Variants in TSHR observed in about 807,000 individuals in gnomAD.
TSHR encodes the protein thyroid stimulating hormone receptor, also known as thyrotropin receptor.
TSHR carries 51 observed loss-of-function variants against 64.1 expected under a neutral mutation model. The observed-to-expected ratio is 0.80, with a 90% CI of 0.64 to 1.01. TSHR has a LOEUF of 1.01. Among genes scored for constraint, TSHR ranks in the 50% least tolerant of loss-of-function variants. The pLI is 0.00. For missense variants in TSHR, 877 were observed against 942.8 expected (o/e 0.93, Z 0.91); for synonymous variants, 361 against 361.9 (o/e 1.00, Z 0.03).
chr14:80,993,653 T>A (rs1888858993), intron 1 of TSHR: 1 of 152,062 alleles, frequency 6.6e-6, no homozygotes, highest in African/African-American at 2.4e-5. Flanking sequence ...AAAATAAATG[T>A]TAATGTGTTT....
chr14:81,072,497 C>CTAA (rs1446420171), intron 3 of TSHR, among the ~76,000 whole-genome samples: 11 of 151,670 alleles, frequency 7.3e-5, no homozygotes, highest in African/African-American at 2.7e-4. Flanking sequence ...AACTAACAGG[C>CTAA]TAATAGTAGT....
At chr14:80,985,569 G>C (rs529782810) in intron 1 of TSHR, among the ~76,000 whole-genome samples, 2 of 152,204 alleles carry the variant, frequency 1.3e-5, no homozygotes, top group Non-Finnish European at 2.9e-5. Flanking sequence ...TGCCCAGGAC[G>C]TTTAGGTTAT....
chr14:81,019,085 T>C (rs1883581242), intron 1 of TSHR, among the ~76,000 whole-genome samples: 1 of 152,178 alleles, frequency 6.6e-6, no homozygotes, highest in Non-Finnish European at 1.5e-5. Context: ...CCAAATTGCC[T>C]GAACCCCAGA....
chr14:81,037,444 CAA>C (rs1236687868), intron 1 of TSHR, among the ~76,000 whole-genome samples: 1 of 127,458 alleles, frequency 7.8e-6, no homozygotes, highest in South Asian at 2.8e-4. Context: ...AACAAACAAA[CAA>C]AAAACAGAAA....
chr14:81,102,867 A>C, intron 7 of TSHR: 1 of 985,172 alleles, frequency 1.0e-6, no homozygotes, highest in Non-Finnish European at 1.2e-6. Context: ...CAAGATAAAA[A>C]GTATCTGGAT....
intron 1 of TSHR, among the ~76,000 whole-genome samples, chr14:81,005,837 C>T (rs534410237): frequency 2.0e-5 from 3 of 152,292 alleles, no homozygotes; most frequent in South Asian, 2.1e-4. Flanking sequence ...CTTAAAATAG[C>T]GATGGGCCTT....
intron 1 of TSHR, among the ~76,000 whole-genome samples, chr14:80,979,407 G>A (rs992647210): frequency 6.6e-6 from 1 of 152,138 alleles, no homozygotes; most frequent in Non-Finnish European, 1.5e-5. Context: ...TGGTCAACAG[G>A]TATAAAGTTA....
chr14:81,144,576 C>T lies in TSHR; in HGVS notation c.*223C>T. ...TTAGGCTACCAGCATATTTGAATGCCAGGTGAAATCAAAATAATCTACACT... is the reference window on the plus strand; with the variant it reads ...TTAGGCTACCAGCATATTTGAATGCTAGGTGAAATCAAAATAATCTACACT... On this transcript the variant is annotated 3_prime_UTR_variant, in exon 10 of 10. Transcript: ENST00000298171. 1 of 588,570 alleles carries T rather than the reference C, an allele frequency of 1.7e-6. No individual in the cohort carries two copies. 36.5% of individuals were successfully genotyped at this position (588,570 alleles called of 1,614,324 possible).
chr14:80,970,923 C>G (rs1887558149), intron 1 of TSHR, among the ~76,000 whole-genome samples: 1 of 152,198 alleles, frequency 6.6e-6, no homozygotes, highest in Non-Finnish European at 1.5e-5. Flanking sequence ...CAACCTCTGC[C>G]TCCAAGGCCC....
intron 1 of TSHR, among the ~76,000 whole-genome samples, chr14:81,011,223 C>T (rs1594948894): frequency 1.3e-5 from 2 of 150,494 alleles, no homozygotes; most frequent in Admixed American, 6.6e-5. Context: ...TTTCTTCTTT[C>T]TTTTTTTTTC....
intron 1 of TSHR, chr14:80,958,240 C>G (rs1157977824): frequency 3.3e-5 from 5 of 152,114 alleles, no homozygotes; most frequent in Middle Eastern, 3.2e-3. Flanking sequence ...CTCACCAAAT[C>G]CAATTAAGTA....
intron 1 of TSHR, chr14:80,982,767 T>C (rs1888238878): frequency 1.6e-6 from 1 of 624,020 alleles, no homozygotes; most frequent in Non-Finnish European, 2.7e-6. Flanking sequence ...ATTCTTTGCC[T>C]GTGGCAACAG....
intron 1 of TSHR, among the ~76,000 whole-genome samples, chr14:81,038,357 G>A (rs75809081): frequency 6.6e-6 from 1 of 150,434 alleles, no homozygotes; most frequent in South Asian, 2.1e-4. Flanking sequence ...GAAGTTTATA[G>A]CAATAAACAC....
In TSHR at chr14:80,967,186, G is replaced by GTA. The variant is rs3038162; in HGVS notation, c.170+11356_170+11357dup. On this transcript the variant is annotated intron_variant, in intron 1 of 9. Transcript: ENST00000298171. Reference sequence around the variant, plus strand: ...AAAAATTATATATATATATGTATGTGTATATATATATATATATATATGCTT... The same window carrying GTA: ...AAAAATTATATATATATATGTATGTGTATATATATATATATATATATATGCTT... Among the ~76,000 whole-genome samples, 517 of 144,122 alleles carry GTA rather than the reference G, an allele frequency of 3.6e-3. 2 individuals are homozygous for GTA. Among genetic ancestry groups the GTA allele is most frequent in the African/African-American group, 9.3e-3 (360 of 38,886 alleles). The allele number at this position is 144,122 out of a possible 152,430, so 94.5% of individuals were successfully genotyped here. A position where few individuals can be genotyped will look rare whatever the true frequency, so the allele number is the denominator to read the frequency against.
intron 3 of TSHR, among the ~76,000 whole-genome samples, chr14:81,070,697 T>C (rs1224208989): frequency 2.1e-5 from 3 of 145,884 alleles, no homozygotes; most frequent in Non-Finnish European, 4.5e-5. Context: ...GTAACAAGAC[T>C]GACAGCTGAC....
chr14:80,983,422 C>A, intron 1 of TSHR: 2 of 1,235,692 alleles, frequency 1.6e-6, no homozygotes, highest in Non-Finnish European at 2.3e-6. Flanking sequence ...GAAAATCCAA[C>A]TGCAGCCAGA....
chr14:81,127,354 T>TA (rs1326322281), intron 8 of TSHR, among the ~76,000 whole-genome samples: 3 of 152,002 alleles, frequency 2.0e-5, no homozygotes, highest in Non-Finnish European at 4.4e-5. Context: ...AATAAACACT[T>TA]AAAAAAAAGT....
intron 1 of TSHR, among the ~76,000 whole-genome samples, chr14:81,002,267 C>A (rs1368061110): frequency 2.0e-5 from 3 of 152,110 alleles, no homozygotes; most frequent in Non-Finnish European, 2.9e-5. Context: ...CCCTTTATTT[C>A]CTGTTTTCCT....
At chr14:81,138,544 T>G (rs1400161055) in intron 8 of TSHR, among the ~76,000 whole-genome samples, 3 of 152,076 alleles carry the variant, frequency 2.0e-5, no homozygotes, top group Non-Finnish European at 1.5e-5. Context: ...GATTATATAT[T>G]TTTTTAATTA....
Sources: gnomAD v4.1 joint callset for allele counts (sites outside exome capture counted in the v4.1 genomes callset) on GRCh38, gnomAD v4.1.1 for gene constraint, MANE v1.5 for transcripts, NCBI Gene and HGNC (gene_info 2026-07-23, HGNC 2026-07-21) for gene names.